WDR59: variants seen among roughly 807,000 people sequenced by gnomAD.
WDR59 encodes the protein GATOR2 complex protein WDR59.
WDR59 carries 100 observed loss-of-function variants against 131.2 expected under a neutral mutation model. The observed-to-expected ratio is 0.76, with a 90% CI of 0.65 to 0.90. WDR59 has a LOEUF of 0.90. Among genes scored for constraint, WDR59 ranks in the 40% least tolerant of loss-of-function variants. WDR59 has a pLI of 0.00. For missense variants in WDR59, 1,203 were observed against 1,262.2 expected (o/e 0.95, Z 0.71); for synonymous variants, 601 against 466.2 (o/e 1.29, Z -3.72).
intron 18 of WDR59, among the ~76,000 whole-genome samples, chr16:74,894,231 G>C (rs560983212): frequency 8.0e-4 from 122 of 152,304 alleles, no homozygotes; most frequent in African/African-American, 2.7e-3. Flanking sequence ...AACAGGGTTT[G>C]TTGAAAATTT....
intron 1 of WDR59, among the ~76,000 whole-genome samples, chr16:74,981,649 T>TATATAC (rs2034425748): frequency 1.8e-4 from 1 of 5,606 alleles, no homozygotes. Flanking sequence ...TATATATATA[T>TATATAC]ATATATATAT....
chr16:74,882,149 T>C (rs779590422), intron 25 of WDR59, among the ~76,000 whole-genome samples: 19 of 152,204 alleles, frequency 1.2e-4, no homozygotes, highest in Non-Finnish European at 2.2e-4. Context: ...CACTTTATAA[T>C]AGCAGATGTC....
intron 10 of WDR59, among the ~76,000 whole-genome samples, chr16:74,920,432 C>G (rs150191334): frequency 1.3e-5 from 2 of 151,996 alleles, no homozygotes; most frequent in Non-Finnish European, 2.9e-5. Context: ...GAGACTGTCT[C>G]GATCTGTCTC....
At chr16:74,981,795 A>G (rs2034440685) in intron 1 of WDR59, among the ~76,000 whole-genome samples, 1 of 141,610 alleles carries the variant, frequency 7.1e-6, no homozygotes, top group African/African-American at 2.6e-5. Flanking sequence ...AGCTGGGATT[A>G]CAGGTGCATG....
At chr16:74,938,316 G>A in intron 7 of WDR59, 50 bp from the exon 8 acceptor site, 1 of 1,301,502 alleles carries the variant, frequency 7.7e-7, no homozygotes, top group Non-Finnish European at 1.0e-6. Context: ...AACTCTTTGA[G>A]TGTCTATCAC....
chr16:74,977,632 G>T (rs1442110292), intron 1 of WDR59, among the ~76,000 whole-genome samples: 1 of 152,144 alleles, frequency 6.6e-6, no homozygotes, highest in African/African-American at 2.4e-5. Context: ...AGCTTGCAGT[G>T]AGCTGAGATC....
At chr16:74,960,327 T>C (rs1029204491) in intron 2 of WDR59, among the ~76,000 whole-genome samples, 5 of 151,108 alleles carry the variant, frequency 3.3e-5, no homozygotes, top group East Asian at 1.9e-4. Context: ...CGAAACTCCA[T>C]CTAAAAAAAA....
At chr16:74,943,284 C>A (rs1232585539) in intron 6 of WDR59, among the ~76,000 whole-genome samples, 2 of 150,588 alleles carry the variant, frequency 1.3e-5, no homozygotes, top group East Asian at 1.9e-4. Context: ...TAGAAAAACA[C>A]AGCCTTAGCT....
intron 2 of WDR59, among the ~76,000 whole-genome samples, chr16:74,964,274 G>C (rs2033675627): frequency 6.6e-6 from 1 of 151,974 alleles, no homozygotes; most frequent in African/African-American, 2.4e-5. Context: ...AGGTACTCGG[G>C]AGGCTGAGGC....
chr16:74,961,225 T>G (rs990731461), intron 2 of WDR59, among the ~76,000 whole-genome samples: 3 of 151,870 alleles, frequency 2.0e-5, no homozygotes, highest in African/African-American at 7.3e-5. Context: ...GAAGGATCAC[T>G]TGAGCCCTGG....
intron 7 of WDR59, among the ~76,000 whole-genome samples, chr16:74,938,585 G>A (rs1340356634): frequency 6.6e-6 from 1 of 152,080 alleles, no homozygotes; most frequent in African/African-American, 2.4e-5. Context: ...CACCCAGGTT[G>A]GAGTGCAGTG....
chr16:74,981,649 TA>T (rs1567450891), intron 1 of WDR59, among the ~76,000 whole-genome samples: 250 of 5,608 alleles, frequency 0.045, 12 homozygotes, highest in Non-Finnish European at 0.066. Flanking sequence ...TATATATATA[TA>T]TATATATATA....
intron 6 of WDR59, among the ~76,000 whole-genome samples, chr16:74,948,108 G>A (rs532187587): frequency 6.6e-6 from 1 of 152,184 alleles, no homozygotes; most frequent in Non-Finnish European, 1.5e-5. Context: ...GAAGGTGGAG[G>A]TGAAATGGTG....
intron 8 of WDR59, among the ~76,000 whole-genome samples, chr16:74,933,524 C>T (rs1053878850): frequency 1.5e-4 from 23 of 152,250 alleles, no homozygotes; most frequent in Non-Finnish European, 3.2e-4. Context: ...TAATTTTTAT[C>T]ACTTACTGCT....
At chr16:74,975,116 C>A (rs2034133105) in intron 1 of WDR59, among the ~76,000 whole-genome samples, 1 of 152,172 alleles carries the variant, frequency 6.6e-6, no homozygotes, top group African/African-American at 2.4e-5. Flanking sequence ...ATCCCAGCAC[C>A]TTGGGATGCC....
intron 2 of WDR59, among the ~76,000 whole-genome samples, chr16:74,964,791 C>T (rs983629470): frequency 6.6e-6 from 1 of 152,118 alleles, no homozygotes; most frequent in Non-Finnish European, 1.5e-5. Context: ...TGGCTCACAC[C>T]TGTTATCCCA....
At chr16:74,874,903 T>G (rs1271481552) in intron 25 of WDR59, among the ~76,000 whole-genome samples, 2 of 150,442 alleles carry the variant, frequency 1.3e-5, no homozygotes, top group African/African-American at 2.5e-5. Flanking sequence ...TTTTTTTTTG[T>G]TTTTTTTACA....
chr16:74,922,125 C>T (rs199940785), intron 9 of WDR59, 22 bp from the exon 10 acceptor site: 1 of 1,613,408 alleles, frequency 6.2e-7, no homozygotes, highest in Non-Finnish European at 8.5e-7. Flanking sequence ...AAGGGAAAAG[C>T]AGGTGATTAG....
intron 15 of WDR59, 75 bp downstream of exon 15, chr16:74,909,747 C>A: frequency 6.4e-7 from 1 of 1,572,308 alleles, no homozygotes; most frequent in South Asian, 1.2e-5. Flanking sequence ...AACCAGAAAA[C>A]CCATGATTTT....
Sources: gnomAD v4.1 joint callset for allele counts (sites outside exome capture counted in the v4.1 genomes callset) on GRCh38, gnomAD v4.1.1 for gene constraint, MANE v1.5 for transcripts, NCBI Gene and HGNC (gene_info 2026-07-23, HGNC 2026-07-21) for gene names.